The following CUL4A variants were observed in gnomAD, a reference collection of about 807,000 sequenced individuals.
CUL4A encodes cullin-4A.
CUL4A carries 16 observed loss-of-function variants against 95.5 expected under a neutral mutation model. The ratio of observed to expected loss-of-function variants is 0.17; its 90% confidence interval spans 0.11 to 0.25. The LOEUF (loss-of-function observed/expected upper bound fraction) is 0.25, where lower values mean the gene tolerates loss of function less well. CUL4A is among the 10% of genes least tolerant of loss of function. The pLI, the probability that CUL4A is intolerant of heterozygous loss-of-function variation, is 1.00. For synonymous variants in CUL4A, 380 were observed against 353.1 expected, an observed-to-expected ratio of 1.08 and a Z score of -0.85; for missense variants, 610 against 937.0, an observed-to-expected ratio of 0.65 and a Z score of 4.56.
intron 1 of CUL4A, 46 bp from the exon 2 acceptor site, chr13:113,209,927 G>T: frequency 7.1e-7 from 1 of 1,411,322 alleles, no homozygotes; most frequent in Non-Finnish European, 9.3e-7. Flanking sequence ...TACGCGGGGC[G>T]CTTCGCGGCG....
intron 3 of CUL4A, 81 bp from the exon 4 acceptor site, chr13:113,227,895 G>A (rs557546424): frequency 1.6e-4 from 131 of 837,796 alleles, no homozygotes; most frequent in Non-Finnish European, 2.3e-4. Context: ...GCGACAGAGC[G>A]AGACTCCATC....
chr13:113,238,295 A>AT (rs890438699), intron 9 of CUL4A, among the ~76,000 whole-genome samples: 3 of 151,682 alleles, frequency 2.0e-5, no homozygotes, highest in Non-Finnish European at 2.9e-5. Context: ...TAAAAATAAA[A>AT]TTTTTTTTTA....
intron 15 of CUL4A, 98 bp downstream of exon 15, chr13:113,246,161 A>G: frequency 1.2e-6 from 1 of 862,006 alleles, no homozygotes; most frequent in Non-Finnish European, 1.8e-6. Flanking sequence ...GAGTTTTTAA[A>G]AATAGCCCAC....
intron 8 of CUL4A, among the ~76,000 whole-genome samples, chr13:113,235,970 CAAAAAAAA>C (rs35017025): frequency 3.1e-5 from 2 of 65,114 alleles, no homozygotes; most frequent in African/African-American, 1.1e-4. Flanking sequence ...GACTCCGTCT[CAAAAAAAA>C]AAAAAAAAGA....
intron 18 of CUL4A, among the ~76,000 whole-genome samples, chr13:113,257,720 C>G (rs1323152633): frequency 6.8e-6 from 1 of 146,286 alleles, no homozygotes; most frequent in Non-Finnish European, 1.5e-5. Flanking sequence ...ATATTCAAAA[C>G]CATATCATTG....
intron 10 of CUL4A, among the ~76,000 whole-genome samples, chr13:113,240,692 A>C (rs1002456890): frequency 6.6e-6 from 1 of 152,226 alleles, no homozygotes; most frequent in Non-Finnish European, 1.5e-5. Context: ...ATAGATGAAA[A>C]GTTACCAGGG....
At chr13:113,210,475 G>A (rs2040364407) in intron 2 of CUL4A, among the ~76,000 whole-genome samples, 3 of 152,132 alleles carry the variant, frequency 2.0e-5, no homozygotes, top group Admixed American at 2.0e-4. Flanking sequence ...TGTGATTAAT[G>A]GTTGCCTTTA....
intron 8 of CUL4A, 139 bp downstream of exon 8, chr13:113,235,284 G>C: frequency 3.3e-6 from 2 of 605,350 alleles, no homozygotes; most frequent in South Asian, 4.5e-5. Context: ...ATTTTACTTT[G>C]TTATTTGTCA....
chr13:113,241,787 A>G (rs1367580992), intron 10 of CUL4A, among the ~76,000 whole-genome samples: 2 of 151,594 alleles, frequency 1.3e-5, no homozygotes, highest in South Asian at 2.1e-4. Flanking sequence ...TGCTGGGATT[A>G]CAAGCGTGAG....
intron 10 of CUL4A, among the ~76,000 whole-genome samples, chr13:113,239,848 T>G (rs1373470940): frequency 1.3e-5 from 2 of 152,268 alleles, no homozygotes; most frequent in Admixed American, 1.3e-4. Flanking sequence ...TAATTCTAAA[T>G]CATGATTTTT....
intron 10 of CUL4A, among the ~76,000 whole-genome samples, chr13:113,241,122 A>G (rs2041696910): frequency 6.6e-6 from 1 of 152,212 alleles, no homozygotes; most frequent in Non-Finnish European, 1.5e-5. Flanking sequence ...CAATGATAGA[A>G]TTGGAACTTA....
rs1262573018 is a variant in CUL4A, at chr13:113,209,783, C to T, written c.148+8C>T. 1.7e-6 allele frequency: 2 copies of T among 1,176,272 alleles called. No individual in the cohort carries two copies. Among genetic ancestry groups the T allele is most frequent in the Non-Finnish European group, 2.1e-6 (2 of 952,294 alleles). 72.9% of individuals were successfully genotyped at this position (1,176,272 alleles called of 1,614,324 possible). A position where few individuals can be genotyped will look rare whatever the true frequency, so the allele number is the denominator to read the frequency against. On this transcript the variant is annotated splice_region_variant and intron_variant, in intron 1 of 19. Transcript: ENST00000375440. Reference sequence around the variant, plus strand: ...TCATCAAGAACTTCCGAGGTGGGTGCGGCGGCCGGGTCGAGGGCCAGGCGC... The same window carrying T: ...TCATCAAGAACTTCCGAGGTGGGTGTGGCGGCCGGGTCGAGGGCCAGGCGC...
At chr13:113,256,926 G>GTTTTTTTTTGT (rs2042138085) in intron 18 of CUL4A, among the ~76,000 whole-genome samples, 2 of 47,374 alleles carry the variant, frequency 4.2e-5, no homozygotes, top group Non-Finnish European at 7.2e-5. Flanking sequence ...TTTTTTTTTC[G>GTTTTTTTTTGT]TTTTTTTTTT....
chr13:113,245,328 G>C lies in CUL4A; in HGVS notation c.1530+91G>C. ...TGTAATCCCAGCACTTTGGGAGGCA[G>C]AGGCAAGAGACGTTCTTGAGGCCAG... On this transcript the variant is annotated intron_variant, in intron 14 of 19. Coordinates refer to ENST00000375440, the MANE Select transcript of CUL4A (RefSeq NM_001008895.4). 10 of 1,142,954 alleles carry C rather than the reference G, an allele frequency of 8.7e-6. No homozygotes were observed. The South Asian group carries it at 1.3e-4, about 15-fold the overall frequency. The allele number at this position is 1,142,954 out of a possible 1,614,324, so 70.8% of individuals were successfully genotyped here. A position where few individuals can be genotyped will look rare whatever the true frequency, so the allele number is the denominator to read the frequency against.
intron 2 of CUL4A, among the ~76,000 whole-genome samples, chr13:113,214,958 C>T (rs1389282859): frequency 6.8e-6 from 1 of 147,684 alleles, no homozygotes; most frequent in Non-Finnish European, 1.5e-5. Flanking sequence ...AGGTCACGTC[C>T]CATGTGGCTG....
chr13:113,227,441 C>T (rs958996308), intron 3 of CUL4A, among the ~76,000 whole-genome samples: 4 of 152,196 alleles, frequency 2.6e-5, no homozygotes, highest in Admixed American at 2.6e-4. Flanking sequence ...CTCTCATGAC[C>T]TAATCACCTC....
intron 12 of CUL4A, 22 bp downstream of exon 12, chr13:113,244,536 A>C: frequency 6.4e-7 from 1 of 1,554,948 alleles, no homozygotes; most frequent in Non-Finnish European, 8.8e-7. Context: ...GCACTCAGAA[A>C]ATGCTGCATA....
At chr13:113,208,209 G>A, upstream of CUL4A, 1 of 1,539,062 alleles carries the variant, frequency 6.5e-7, no homozygotes. Context: ...CCCGCATCCT[G>A]CTGGGAAACA....
chr13:113,211,259 A>G (rs2040430586), intron 2 of CUL4A, among the ~76,000 whole-genome samples: 1 of 152,238 alleles, frequency 6.6e-6, no homozygotes. Flanking sequence ...CACTTAGGAC[A>G]GTGCTTTTGA....
Sources: allele counts gnomAD v4.1 joint callset (sites outside exome capture counted in the v4.1 genomes callset), GRCh38; gene constraint gnomAD v4.1.1; transcripts MANE v1.5; gene names NCBI Gene and HGNC (gene_info 2026-07-23, HGNC 2026-07-21).